AIG1: variants seen among roughly 807,000 people sequenced by gnomAD.
AIG1 encodes the protein androgen induced 1.
A neutral mutation model predicts 31.4 loss-of-function variants in AIG1; 23 were observed. The ratio of observed to expected loss-of-function variants is 0.73; its 90% CI spans 0.53 to 1.04. AIG1 has a LOEUF of 1.04. Among genes scored for constraint, AIG1 ranks in the 50% least tolerant of loss-of-function variants. The pLI, the probability that AIG1 is intolerant of heterozygous loss-of-function variation, is 0.00. For synonymous variants in AIG1, 100 were observed against 110.5 expected (o/e 0.90, Z 0.60); for missense variants, 274 against 295.0 (o/e 0.93, Z 0.52).
chr6:143,128,203 A>G (rs77014062), intron 1 of AIG1, among the ~76,000 whole-genome samples: 2,790 of 152,340 alleles, frequency 0.018, 35 homozygotes, highest in Non-Finnish European at 0.03. Flanking sequence ...ATTTCAAAAA[A>G]GATAAAGACA....
chr6:143,185,323 C>T (rs919490338), intron 3 of AIG1, among the ~76,000 whole-genome samples: 2 of 152,150 alleles, frequency 1.3e-5, no homozygotes, highest in African/African-American at 4.8e-5. Flanking sequence ...CTTCCCTGAG[C>T]CCATTTATGC....
intron 3 of AIG1, among the ~76,000 whole-genome samples, chr6:143,194,825 C>A (rs1213216601): frequency 6.6e-6 from 1 of 152,178 alleles, no homozygotes; most frequent in Non-Finnish European, 1.5e-5. Context: ...GCTCTCTGGG[C>A]ACATCTGCAG....
intron 3 of AIG1, among the ~76,000 whole-genome samples, chr6:143,199,089 A>G (rs1402562793): frequency 6.6e-6 from 1 of 152,226 alleles, no homozygotes; most frequent in Admixed American, 6.5e-5. Flanking sequence ...GCATATGCTA[A>G]AAGAATCAAC....
chr6:143,115,129 T>C (rs1781628001), intron 1 of AIG1, among the ~76,000 whole-genome samples: 1 of 152,252 alleles, frequency 6.6e-6, no homozygotes, highest in African/African-American at 2.4e-5. Flanking sequence ...AGTTTTGCAA[T>C]TTCCAGATTG....
At chr6:143,317,966 A>G (rs555365202) in intron 4 of AIG1, among the ~76,000 whole-genome samples, 2 of 152,270 alleles carry the variant, frequency 1.3e-5, no homozygotes, top group African/African-American at 4.8e-5. Flanking sequence ...CTACAAGGAA[A>G]ACTCCAAAAC....
intron 3 of AIG1, among the ~76,000 whole-genome samples, chr6:143,230,608 C>A (rs569576174): frequency 2.7e-4 from 41 of 149,894 alleles, no homozygotes; most frequent in African/African-American, 8.8e-4. Flanking sequence ...TTAAGAATAT[C>A]CTATGCATTA....
chr6:143,248,810 T>G (rs1158991418), intron 3 of AIG1, among the ~76,000 whole-genome samples: 1 of 152,208 alleles, frequency 6.6e-6, no homozygotes. Flanking sequence ...ACCATATTTT[T>G]AAAAGTCCCA....
intron 5 of AIG1, among the ~76,000 whole-genome samples, chr6:143,336,542 A>G (rs1442425228): frequency 6.6e-6 from 1 of 152,174 alleles, no homozygotes; most frequent in Non-Finnish European, 1.5e-5. Context: ...CTTATCTCCA[A>G]GTAAAGTCAC....
intron 3 of AIG1, among the ~76,000 whole-genome samples, chr6:143,173,924 A>C (rs1787887448): frequency 3.3e-5 from 5 of 152,182 alleles, no homozygotes; most frequent in Non-Finnish European, 7.4e-5. Flanking sequence ...GTATAGGTTA[A>C]GTCCATTGTT....
chr6:143,098,941 A>T (rs903704102), intron 1 of AIG1, among the ~76,000 whole-genome samples: 3 of 152,216 alleles, frequency 2.0e-5, no homozygotes, highest in Non-Finnish European at 4.4e-5. Context: ...TACTAATTAC[A>T]TGATGAAAAT....
chr6:143,199,366 G>T (rs919779661), intron 3 of AIG1, among the ~76,000 whole-genome samples: 3 of 152,000 alleles, frequency 2.0e-5, no homozygotes, highest in Admixed American at 2.0e-4. Flanking sequence ...GCAAAAGATG[G>T]GGGGGTGATG....
chr6:143,340,797 C>T lies in AIG1; in HGVS notation c.*1121C>T, dbSNP rs911644108. On this transcript the variant is annotated 3_prime_UTR_variant, in exon 6 of 6. Coordinates refer to ENST00000357847, the MANE Select transcript of AIG1 (RefSeq NM_016108.4). The stretch of plus-strand genomic sequence containing the variant: ...TTTTAAAAAAACTATTTTACAAAAT[C>T]TTTGACCGTAATTATTTTTAAGATG... Among the ~76,000 whole-genome samples, 7 of 152,050 alleles carry T rather than the reference C, an allele frequency of 4.6e-5. No homozygotes were observed. Among genetic ancestry groups the T allele is most frequent in the African/African-American group, 1.7e-4 (7 of 41,424 alleles).
chr6:143,225,772 G>A (rs1419093040), intron 3 of AIG1, among the ~76,000 whole-genome samples: 2 of 152,156 alleles, frequency 1.3e-5, no homozygotes, highest in Admixed American at 6.5e-5. Flanking sequence ...CTCATTGACT[G>A]CCTGTCCCCA....
intron 1 of AIG1, among the ~76,000 whole-genome samples, chr6:143,092,290 T>G (rs1779374845): frequency 6.7e-6 from 1 of 149,818 alleles, no homozygotes; most frequent in Non-Finnish European, 1.5e-5. Flanking sequence ...TTTTTTTTTT[T>G]TTTTTTTTTG....
At position 143,081,071 on chromosome 6, in the gene AIG1, G is replaced by A. The variant is rs189607614; in HGVS notation, c.141+20005G>A. ...CAAGCACAAGGTCATTGGTTAGGAA[G>A]GGCTGTCCATACAGCATCTCATATG... On this transcript the variant is annotated intron_variant, in intron 1 of 5. Transcript: ENST00000357847. Among the ~76,000 whole-genome samples the A allele has an allele frequency of 5.5e-3, 838 of 152,278 alleles. 5 individuals carry two copies. Among genetic ancestry groups the A allele is most frequent in the Non-Finnish European group, 8.5e-3 (577 of 68,036 alleles).
At chr6:143,130,563 A>T in intron 1 of AIG1, among the ~76,000 whole-genome samples, 1 of 151,906 alleles carries the variant, frequency 6.6e-6, no homozygotes, top group Admixed American at 6.6e-5. Context: ...TACTAAAAAT[A>T]CAAAAATTAG....
intron 1 of AIG1, among the ~76,000 whole-genome samples, chr6:143,075,094 A>G (rs1243321801): frequency 6.6e-6 from 1 of 152,114 alleles, no homozygotes; most frequent in African/African-American, 2.4e-5. Context: ...ATCTTTCAGC[A>G]TTTCCTTTTT....
intron 2 of AIG1, among the ~76,000 whole-genome samples, chr6:143,137,870 G>A (rs1414763227): frequency 1.3e-5 from 2 of 152,294 alleles, no homozygotes; most frequent in Admixed American, 6.5e-5. Flanking sequence ...TCATTTGCCA[G>A]CTGATTTCGG....
chr6:143,200,809 C>T (rs1790636968), intron 3 of AIG1, among the ~76,000 whole-genome samples: 1 of 152,138 alleles, frequency 6.6e-6, no homozygotes, highest in African/African-American at 2.4e-5. Context: ...CATTGCTGGA[C>T]TCTGCCTCTC....
Sources: allele counts gnomAD v4.1 joint callset (sites outside exome capture counted in the v4.1 genomes callset), GRCh38; gene constraint gnomAD v4.1.1; transcripts MANE v1.5; gene names NCBI Gene and HGNC (gene_info 2026-07-23, HGNC 2026-07-21).